The following ZNF227 variants were observed in gnomAD, a reference collection of about 807,000 sequenced individuals.
ZNF227 encodes zinc finger protein 227.
In ZNF227, 12 loss-of-function variants were observed where a neutral mutation model predicts 13.2. The ratio of observed to expected loss-of-function variants is 0.91; its 90% CI spans 0.58 to 1.47. ZNF227 has a LOEUF of 1.47. Ranked by LOEUF, ZNF227 falls within the 40% of genes most tolerant of loss-of-function variation. The pLI is 0.00. For missense variants in ZNF227, 885 were observed against 967.5 expected, an observed-to-expected ratio of 0.91 and a Z score of 1.13; for synonymous variants, 338 against 326.0, an observed-to-expected ratio of 1.04 and a Z score of -0.40.
rs1193578364 is a variant in ZNF227 at position 44,236,186 on chromosome 19, A to T, written c.1756A>T (p.Ser586Cys). Reference protein sequence around the residue: ...YKCEECGKGFSWRSNLHAHQR... With the variant: ...YKCEECGKGFCWRSNLHAHQR... ...ATGTGAGGAATGTGGGAAGGGCTTC[A>T]GTTGGAGATCAAATCTTCATGCACA... is the stretch of plus-strand genomic sequence containing the variant. The change falls in exon 6 of 6, where the codon AGT (serine) becomes TGT (cysteine). Residue 586 changes from serine (S) to cysteine (C), a missense_variant. By Grantham distance (112) the Ser-to-Cys change is moderately radical (BLOSUM62 -1). Transcript: ENST00000313040. 6.2e-7 allele frequency: 1 copy of T among 1,614,068 alleles called. No homozygotes were observed. Among genetic ancestry groups the T allele is most frequent in the Admixed American group, 1.7e-5 (1 of 60,004 alleles).
rs144400840 is a variant in ZNF227, at chr19:44,215,716, G to A, written c.-2-2075G>A. 2.7e-3 allele frequency among the ~76,000 whole-genome samples: 404 copies of A among 152,002 alleles called. 2 individuals carry two copies. The highest frequency in any genetic ancestry group is 9.0e-3 in the African/African-American group (373 of 41,496). On this transcript the variant is annotated intron_variant, in intron 2 of 5. Coordinates refer to ENST00000313040, the MANE Select transcript of ZNF227 (RefSeq NM_182490.3). The stretch of plus-strand genomic sequence containing the variant: ...TCTGAAAGAAGATGGGGCCAGGTGC[G>A]GTGGCTCATGCCTGTAATCCCAGCA...
upstream of ZNF227, among the ~76,000 whole-genome samples, chr19:44,211,604 C>T (rs558479762): frequency 2.0e-4 from 30 of 152,254 alleles, no homozygotes; most frequent in Non-Finnish European, 3.2e-4. Context: ...CTACCATATG[C>T]CAAAGCTTGT....
intron 5 of ZNF227, among the ~76,000 whole-genome samples, chr19:44,230,908 CA>C (rs561975781): frequency 0.013 from 743 of 57,008 alleles, 3 homozygotes; most frequent in East Asian, 0.031. Flanking sequence ...TCCATCTCTA[CA>C]AAAAAAAAAA....
chr19:44,212,111 A>T (rs961550695), upstream of ZNF227, among the ~76,000 whole-genome samples: 10 of 151,744 alleles, frequency 6.6e-5, no homozygotes. Context: ...GCTGGTCTGG[A>T]ACTCCTGACC....
chr19:44,236,458 A>G lies in ZNF227; in HGVS notation c.2028A>G (p.Ile676Met), dbSNP rs1568622139. ...GKGFRYSSQF[I>M]YHQRGHTGEK... ...GCTTTAGATACAGTTCGCAGTTTAT[A>G]TACCATCAGAGAGGCCACACTGGAG... is the stretch of plus-strand genomic sequence containing the variant. The change falls in exon 6 of 6, where the codon ATA becomes ATG. Residue 676 changes from isoleucine (I) to methionine (M), a missense_variant. Coordinates refer to ENST00000313040, the MANE Select transcript of ZNF227 (RefSeq NM_182490.3). 3.7e-6 allele frequency: 6 copies of G among 1,613,984 alleles called. No individual in the cohort carries two copies. The South Asian group carries it at 5.5e-5, about 15-fold the overall frequency.
At chr19:44,212,178 G>T (rs2122632378), upstream of ZNF227, among the ~76,000 whole-genome samples, 1 of 151,664 alleles carries the variant, frequency 6.6e-6, no homozygotes, top group Middle Eastern at 3.4e-3. Context: ...TTATTTTAGG[G>T]CTCCAATTCT....
upstream of ZNF227, among the ~76,000 whole-genome samples, chr19:44,209,529 G>C (rs986828671): frequency 2.0e-5 from 3 of 151,896 alleles, no homozygotes; most frequent in Non-Finnish European, 4.4e-5. Context: ...TATGAATTTG[G>C]CTTCTTTATT....
At position 44,228,479 on chromosome 19, in the gene ZNF227, T is replaced by C. The variant is rs771811057; in HGVS notation, c.94T>C (p.Phe32Leu). 14 of 1,613,538 alleles carry C rather than the reference T, an allele frequency of 8.7e-6. No homozygotes were observed. The highest frequency in any genetic ancestry group is 1.1e-5 in the Non-Finnish European group (13 of 1,179,894). The change falls in exon 4 of 6, where the codon TTC (phenylalanine) becomes CTC (leucine). Residue 32 changes from phenylalanine (F) to leucine (L), a missense_variant. Phe to Leu is a conservative substitution (Grantham distance 22). Coordinates refer to ENST00000313040, the MANE Select transcript of ZNF227 (RefSeq NM_182490.3). The part of the protein sequence containing the change: ...AVTFKDVAVV[F>L]SREELRLLDL... ...GACATTCAAGGATGTGGCTGTGGTC[T>C]TCTCCAGGGAGGAACTGCGACTGCT...
chr19:44,213,884 A>G (rs1382784625), intron 2 of ZNF227: 1 of 152,238 alleles, frequency 6.6e-6, no homozygotes, highest in African/African-American at 2.4e-5. Flanking sequence ...CTAGTTATAG[A>G]AGTAATGAAT....
chr19:44,236,241 A>G lies in ZNF227; in HGVS notation c.1811A>G (p.Tyr604Cys), dbSNP rs1974482897. 1.9e-6 allele frequency: 3 copies of G among 1,614,144 alleles called. No individual in the cohort carries two copies. Among genetic ancestry groups the G allele is most frequent in the Non-Finnish European group, 2.5e-6 (3 of 1,180,016 alleles). The change falls in exon 6 of 6, where the codon TAT becomes TGT. Residue 604 changes from tyrosine (Y) to cysteine (C), a missense_variant. Transcript: ENST00000313040. The part of the protein sequence containing the change: ...HQRVHSGEKP[Y>C]KCEQCDKSFS... ...AGAGTTCACTCAGGAGAAAAACCCT[A>G]TAAATGTGAGCAGTGTGATAAGAGC... is the stretch of plus-strand genomic sequence containing the variant.
At chr19:44,225,571 C>T (rs902287984) in intron 3 of ZNF227, among the ~76,000 whole-genome samples, 46 of 152,214 alleles carry the variant, frequency 3.0e-4, no homozygotes, top group Non-Finnish European at 5.6e-4. Context: ...GCTCCTGAGG[C>T]TTCTGCATTC....
Position 44,235,600 on chromosome 19 carries a change from T to A in ZNF227, c.1170T>A (p.Gly390=), listed in dbSNP as rs1393751465. The A allele has an allele frequency of 6.8e-6, 11 of 1,613,830 alleles. No individual in the cohort carries two copies. Among genetic ancestry groups the A allele is most frequent in the Non-Finnish European group, 8.5e-6 (10 of 1,179,938 alleles). The change falls in exon 6 of 6, where the codon GGT becomes GGA. Residue 390 remains glycine, a synonymous_variant. Transcript: ENST00000313040. The part of the protein sequence containing the change: ...YKCEECGKGF[G]WSVNLRVHQR... Reference sequence around the variant, plus strand: ...GCGAAGAGTGTGGTAAGGGCTTCGGTTGGAGTGTTAATCTCCGTGTTCACC... The same window carrying A: ...GCGAAGAGTGTGGTAAGGGCTTCGGATGGAGTGTTAATCTCCGTGTTCACC...
At chr19:44,211,163 A>T (rs940071131), upstream of ZNF227, among the ~76,000 whole-genome samples, 14 of 151,906 alleles carry the variant, frequency 9.2e-5, no homozygotes, top group Non-Finnish European at 1.9e-4. Flanking sequence ...AGGTCATGCC[A>T]CTTCACTCCA....
At chr19:44,230,809 T>C (rs895499876) in intron 5 of ZNF227, among the ~76,000 whole-genome samples, 10 of 149,694 alleles carry the variant, frequency 6.7e-5, no homozygotes, top group East Asian at 2.0e-4. Flanking sequence ...TGGTGGTACA[T>C]ACCTGTAATC....
At chr19:44,207,845 A>G (rs1329336949), upstream of ZNF227, 4 of 152,308 alleles carry the variant, frequency 2.6e-5, no homozygotes. Flanking sequence ...TCTCCCACCT[A>G]CTTGCCAGCT....
In ZNF227 at chr19:44,236,621, C is replaced by A; in HGVS notation, c.2191C>A (p.Leu731Ile). Residue 731 changes from leucine (L) to isoleucine (I), a missense_variant, in exon 6 of 6, where the codon CTT becomes ATT. Transcript: ENST00000313040. Reference protein sequence around the residue: ...CGKAFSLPSNLRVHLGVHTRE... With the variant: ...CGKAFSLPSNIRVHLGVHTRE... Reference sequence around the variant, plus strand: ...TAAGGCCTTCAGTCTCCCCTCAAATCTTCGAGTCCACCTGGGTGTTCACAC... The same window carrying A: ...TAAGGCCTTCAGTCTCCCCTCAAATATTCGAGTCCACCTGGGTGTTCACAC... 1 of 1,613,950 alleles carries A rather than the reference C, an allele frequency of 6.2e-7. No individual in the cohort carries two copies. The highest frequency in any genetic ancestry group is 8.5e-7 in the Non-Finnish European group (1 of 1,180,010).
At chr19:44,211,058 G>A (rs552537341), upstream of ZNF227, among the ~76,000 whole-genome samples, 6 of 152,232 alleles carry the variant, frequency 3.9e-5, no homozygotes, top group South Asian at 1.2e-3. Flanking sequence ...GCTGGGCGTG[G>A]TGGGGAGGGG....
At chr19:44,233,270 T>C (rs552226178) in intron 5 of ZNF227, among the ~76,000 whole-genome samples, 2 of 152,282 alleles carry the variant, frequency 1.3e-5, no homozygotes, top group South Asian at 4.1e-4. Context: ...ATAAATATGT[T>C]TATATTTATG....
chr19:44,226,586 G>C (rs1281501482), intron 3 of ZNF227, among the ~76,000 whole-genome samples: 2 of 152,230 alleles, frequency 1.3e-5, no homozygotes, highest in African/African-American at 4.8e-5. Flanking sequence ...CCATGTGCAG[G>C]ATATAATCTC....
Sources: gnomAD v4.1 joint callset for allele counts (sites outside exome capture counted in the v4.1 genomes callset) on GRCh38, gnomAD v4.1.1 for gene constraint, MANE v1.5 for transcripts, NCBI Gene and HGNC (gene_info 2026-07-23, HGNC 2026-07-21) for gene names.